The following NR6A1 variants were observed in gnomAD, a reference collection of about 807,000 sequenced individuals.
NR6A1 encodes retinoic acid receptor-related testis-associated receptor.
In NR6A1, 7 loss-of-function variants were observed where a neutral mutation model predicts 59.1. The ratio of observed to expected loss-of-function variants is 0.12; its 90% CI spans 0.07 to 0.22. The LOEUF is 0.22. Among genes scored for constraint, NR6A1 ranks in the 10% least tolerant of loss-of-function variants. The pLI, the probability that NR6A1 is intolerant of heterozygous loss-of-function variation, is 1.00. For synonymous variants in NR6A1, 243 were observed against 236.1 expected (o/e 1.03, Z -0.27); for missense variants, 468 against 611.6 (o/e 0.77, Z 2.48).
At chr9:124,630,579 A>G (rs1158505414) in intron 2 of NR6A1, among the ~76,000 whole-genome samples, 1 of 150,816 alleles carries the variant, frequency 6.6e-6, no homozygotes, top group African/African-American at 2.4e-5. Context: ...TCCTAGGGGG[A>G]AGAGCATGGG....
At chr9:124,554,286 T>C in intron 3 of NR6A1, 42 bp downstream of exon 3, 2 of 1,613,474 alleles carry the variant, frequency 1.2e-6, no homozygotes, top group Middle Eastern at 1.7e-4. Context: ...AGGTAAAGTT[T>C]TGAATGAAGG....
At chr9:124,546,202 C>T (rs1039729618) in intron 3 of NR6A1, among the ~76,000 whole-genome samples, 20 of 152,166 alleles carry the variant, frequency 1.3e-4, no homozygotes, top group African/African-American at 4.6e-4. Context: ...ACATACTGTT[C>T]TCTGAGGTAA....
At chr9:124,566,147 T>C (rs370150785) in intron 2 of NR6A1, among the ~76,000 whole-genome samples, 258 of 152,338 alleles carry the variant, frequency 1.7e-3, no homozygotes, top group African/African-American at 5.3e-3. Flanking sequence ...ACAACACAGA[T>C]GACTTGTACA....
At chr9:124,746,852 T>A (rs943876949) in intron 1 of NR6A1, among the ~76,000 whole-genome samples, 3 of 152,118 alleles carry the variant, frequency 2.0e-5, no homozygotes, top group African/African-American at 7.2e-5. Flanking sequence ...ATTGGAAAAA[T>A]AGGTGAGTAA....
At chr9:124,744,953 T>C (rs559071889) in intron 1 of NR6A1, among the ~76,000 whole-genome samples, 2 of 152,302 alleles carry the variant, frequency 1.3e-5, no homozygotes, top group African/African-American at 4.8e-5. Context: ...CTTATTTTCT[T>C]TAAAATCTCC....
At chr9:124,769,830 T>A (rs1432663285) in intron 1 of NR6A1, among the ~76,000 whole-genome samples, 2 of 152,154 alleles carry the variant, frequency 1.3e-5, no homozygotes, top group African/African-American at 2.4e-5. Flanking sequence ...CCCGGGGCGA[T>A]CGCCTGCGCT....
At chr9:124,738,656 G>T (rs1190894905) in intron 1 of NR6A1, among the ~76,000 whole-genome samples, 1 of 151,992 alleles carries the variant, frequency 6.6e-6, no homozygotes, top group Admixed American at 6.6e-5. Flanking sequence ...ATCACCTGAG[G>T]TCAGGAGTTC....
chr9:124,601,604 GAAAAA>G (rs1564197302), intron 2 of NR6A1, among the ~76,000 whole-genome samples: 1 of 133,610 alleles, frequency 7.5e-6, no homozygotes, highest in Admixed American at 7.5e-5. Flanking sequence ...AAAAAAGAAA[GAAAAA>G]AGAAAAGAAA....
chr9:124,652,059 T>C (rs1358120461), intron 2 of NR6A1, among the ~76,000 whole-genome samples: 2 of 152,178 alleles, frequency 1.3e-5, no homozygotes, highest in African/African-American at 4.8e-5. Context: ...AGCAGAAGAC[T>C]AACCTCCTGT....
At chr9:124,616,149 G>A (rs1835883249) in intron 2 of NR6A1, among the ~76,000 whole-genome samples, 1 of 151,952 alleles carries the variant, frequency 6.6e-6, no homozygotes, top group South Asian at 2.1e-4. Context: ...TGTAATCCCA[G>A]CACTTTGGGA....
chr9:124,546,518 G>A (rs1053325595), intron 3 of NR6A1, among the ~76,000 whole-genome samples: 1 of 152,158 alleles, frequency 6.6e-6, no homozygotes, highest in African/African-American at 2.4e-5. Context: ...AACAATTGGT[G>A]AATTTGGGTA....
chr9:124,651,743 T>G (rs370950690), intron 2 of NR6A1, among the ~76,000 whole-genome samples: 1 of 152,308 alleles, frequency 6.6e-6, no homozygotes, highest in East Asian at 1.9e-4. Flanking sequence ...ATCCATGGCT[T>G]TAATTATACA....
chr9:124,706,163 C>T (rs1328010003), intron 2 of NR6A1, among the ~76,000 whole-genome samples: 2 of 152,186 alleles, frequency 1.3e-5, no homozygotes, highest in Non-Finnish European at 2.9e-5. Flanking sequence ...TTATGACAGT[C>T]TAATTTAGTT....
At chr9:124,630,903 C>A (rs1315589107) in intron 2 of NR6A1, among the ~76,000 whole-genome samples, 1 of 151,838 alleles carries the variant, frequency 6.6e-6, no homozygotes. Context: ...GAACTCCTGA[C>A]CTCAGGTGAT....
At chr9:124,697,996 T>C (rs1261724021) in intron 2 of NR6A1, among the ~76,000 whole-genome samples, 1 of 152,236 alleles carries the variant, frequency 6.6e-6, no homozygotes, top group Non-Finnish European at 1.5e-5. Flanking sequence ...GTGTTGTGTG[T>C]GTGTTTTGTA....
At chr9:124,598,032 G>A (rs1835327607) in intron 2 of NR6A1, among the ~76,000 whole-genome samples, 1 of 152,010 alleles carries the variant, frequency 6.6e-6, no homozygotes, top group Non-Finnish European at 1.5e-5. Flanking sequence ...AAAAATTTTG[G>A]GTAGAGATGG....
intron 2 of NR6A1, among the ~76,000 whole-genome samples, chr9:124,700,555 G>T (rs1192781358): frequency 2.0e-5 from 3 of 151,384 alleles, no homozygotes; most frequent in Admixed American, 2.0e-4. Context: ...TGAGTTTTAG[G>T]TTTATCCATG....
At chr9:124,656,364 C>T (rs1032546101) in intron 2 of NR6A1, among the ~76,000 whole-genome samples, 1 of 152,144 alleles carries the variant, frequency 6.6e-6, no homozygotes, top group Non-Finnish European at 1.5e-5. Flanking sequence ...GGGACTAAGA[C>T]AGTAGTATAC....
chr9:124,728,796 T>C (rs575887251), intron 2 of NR6A1, among the ~76,000 whole-genome samples: 1 of 152,296 alleles, frequency 6.6e-6, no homozygotes, highest in East Asian at 1.9e-4. Context: ...CTTCAGAGTT[T>C]GCAATTTTGT....
Sources: gnomAD v4.1 joint callset for allele counts (sites outside exome capture counted in the v4.1 genomes callset) on GRCh38, gnomAD v4.1.1 for gene constraint, MANE v1.5 for transcripts, NCBI Gene and HGNC (gene_info 2026-07-23, HGNC 2026-07-21) for gene names.